Variants in PHEX observed in about 807,000 individuals in gnomAD.
PHEX encodes the protein phosphate-regulating neutral endopeptidase PHEX.
A neutral mutation model predicts 68.0 loss-of-function variants in PHEX; 16 were observed. The ratio of observed to expected loss-of-function variants is 0.24; its 90% CI spans 0.16 to 0.36. The LOEUF (loss-of-function observed/expected upper bound fraction) is 0.36. Ranked by LOEUF, PHEX falls within the 10% of genes least tolerant of loss-of-function variation. The probability of loss-of-function intolerance (pLI) is 1.00; values close to 1 mark genes in which losing one functional copy is unlikely to be tolerated. For synonymous variants in PHEX, 208 were observed against 205.1 expected (o/e 1.01, Z -0.12); for missense variants, 480 against 575.5 (o/e 0.83, Z 1.70).
chrX:22,174,234 C>A (rs150757727), intron 13 of PHEX, among the ~76,000 whole-genome samples: 1,546 of 112,058 alleles, frequency 0.014, 24 homozygotes, highest in African/African-American at 0.047. Context: ...TTGACCTAGA[C>A]TTTTTCCAGT....
intron 7 of PHEX, among the ~76,000 whole-genome samples, chrX:22,095,290 G>C (rs958905874): frequency 4.6e-4 from 51 of 112,007 alleles, no homozygotes; most frequent in African/African-American, 1.5e-3. Flanking sequence ...GCCATGTCTA[G>C]AGTCTGTCTG....
intron 12 of PHEX, among the ~76,000 whole-genome samples, chrX:22,144,657 T>C (rs760733722): frequency 1.3e-4 from 14 of 110,616 alleles, no homozygotes; most frequent in Non-Finnish European, 2.1e-4. Context: ...ACCATTAACA[T>C]ACTTGACAAT....
intron 5 of PHEX, among the ~76,000 whole-genome samples, chrX:22,081,044 A>T (rs1929370653): frequency 1.8e-5 from 2 of 111,534 alleles, no homozygotes; most frequent in Admixed American, 1.9e-4. Context: ...GTGGTACCCG[A>T]TATGCCTCTC....
chrX:22,041,265 C>CTCTCTCTATATATATATATA (rs1468778300), intron 2 of PHEX, among the ~76,000 whole-genome samples: 5 of 72,817 alleles, frequency 6.9e-5, no homozygotes, highest in African/African-American at 1.3e-4. Flanking sequence ...CTCTCTCTCT[C>CTCTCTCTATATATATATATA]TATATATATA....
chrX:22,103,415 T>G (rs1057335038), intron 9 of PHEX, among the ~76,000 whole-genome samples: 1 of 111,407 alleles, frequency 9.0e-6, no homozygotes, highest in Admixed American at 9.6e-5. Flanking sequence ...ACCTGAGCAG[T>G]GTACATTGTA....
At chrX:22,149,897 A>C (rs1282673465) in intron 12 of PHEX, among the ~76,000 whole-genome samples, 1 of 111,959 alleles carries the variant, frequency 8.9e-6, no homozygotes, top group Non-Finnish European at 1.9e-5. Context: ...ATCTCATCAG[A>C]GAGAGAGAGA....
rs1930028977 is a variant in PHEX, at chrX:22,094,119, C to CTCTT, written c.849+27_849+30dup. 2 of 899,328 alleles carry CTCTT rather than the reference C, an allele frequency of 2.2e-6. No homozygotes were observed. The highest frequency in any genetic ancestry group is 3.3e-6 in the Non-Finnish European group (2 of 614,552). The allele number at this position is 899,328 out of a possible 1,213,427, so 74.1% of individuals were successfully genotyped here. On this transcript the variant is annotated intron_variant, in intron 7 of 21. Transcript: ENST00000379374. ...GCTGAGGTAAGTCTTCACTGAAAAT[C>CTCTT]TCTTTCTTTCCTTTACTTTCTTTTC...
intron 20 of PHEX, among the ~76,000 whole-genome samples, chrX:22,228,356 A>G (rs1037159242): frequency 3.6e-5 from 4 of 111,924 alleles, no homozygotes; most frequent in African/African-American, 1.3e-4. Context: ...GCTCAAAGCT[A>G]GACAAAAATT....
chrX:22,221,178 C>T (rs1250633709), intron 17 of PHEX, among the ~76,000 whole-genome samples: 2 of 111,361 alleles, frequency 1.8e-5, no homozygotes, highest in Non-Finnish European at 3.8e-5. Flanking sequence ...TCTATGATCG[C>T]ACAGTATGGA....
chrX:22,149,014 A>G (rs979504819), intron 12 of PHEX, among the ~76,000 whole-genome samples: 1 of 111,672 alleles, frequency 9.0e-6, no homozygotes, highest in Admixed American at 9.5e-5. Flanking sequence ...GACCCAACCC[A>G]TCCTAGTAGG....
At position 22,054,431 on chromosome X, in the gene PHEX, G is replaced by A. The variant is rs750635876; in HGVS notation, c.349+7220G>A. ...ATTACAGGTGTGAGCCACCGCACCC[G>A]GCCACTTCATGAAGTTCTTTGAAAC... is the stretch of plus-strand genomic sequence containing the variant. On this transcript the variant is annotated intron_variant, in intron 3 of 21. Coordinates refer to ENST00000379374, the MANE Select transcript of PHEX (RefSeq NM_000444.6). Among the ~76,000 whole-genome samples, 30 of 111,827 alleles carry A rather than the reference G, an allele frequency of 2.7e-4. No homozygotes were observed. The South Asian group carries it at 3.7e-3, about 14-fold the overall frequency.
chrX:22,052,617 T>A (rs1927887952), intron 3 of PHEX, among the ~76,000 whole-genome samples: 1 of 112,048 alleles, frequency 8.9e-6, no homozygotes, highest in Admixed American at 9.6e-5. Context: ...AACATGAGTT[T>A]AGAAACATCA....
intron 20 of PHEX, among the ~76,000 whole-genome samples, chrX:22,243,606 A>G (rs1936298819): frequency 8.9e-6 from 1 of 112,422 alleles, no homozygotes; most frequent in Non-Finnish European, 1.9e-5. Context: ...ACCCCATGAA[A>G]AAGTGAGTGA....
At chrX:22,092,252 C>G (rs1428429716) in intron 6 of PHEX, among the ~76,000 whole-genome samples, 1 of 111,900 alleles carries the variant, frequency 8.9e-6, no homozygotes, top group Non-Finnish European at 1.9e-5. Context: ...GTTTATCTCC[C>G]TCACTGTTTG....
chrX:22,101,857 C>A (rs1930444164), intron 9 of PHEX, among the ~76,000 whole-genome samples: 2 of 111,638 alleles, frequency 1.8e-5, no homozygotes, highest in Admixed American at 1.9e-4. Context: ...GAGCCTATCT[C>A]ATTTTCTTGA....
At chrX:22,235,457 G>C (rs938841002) in intron 20 of PHEX, among the ~76,000 whole-genome samples, 1 of 111,862 alleles carries the variant, frequency 8.9e-6, no homozygotes, top group Non-Finnish European at 1.9e-5. Context: ...GGAAGTCTGC[G>C]ATCAGAGTGC....
chrX:22,190,899 T>C (rs753305086), intron 15 of PHEX, among the ~76,000 whole-genome samples: 1 of 112,312 alleles, frequency 8.9e-6, no homozygotes, highest in African/African-American at 3.2e-5. Context: ...GGACCATCTG[T>C]ATGTAAGAAA....
chrX:22,213,558 C>G (rs760356163), intron 16 of PHEX, among the ~76,000 whole-genome samples: 117 of 111,912 alleles, frequency 1.0e-3, no homozygotes, highest in South Asian at 5.2e-3. Context: ...AGTGTATGGA[C>G]TTAGGGATAC....
intron 15 of PHEX, among the ~76,000 whole-genome samples, chrX:22,195,269 G>A (rs891969660): frequency 8.9e-6 from 1 of 111,877 alleles, no homozygotes; most frequent in Non-Finnish European, 1.9e-5. Context: ...TATAAAGATC[G>A]GCAGGGGGGA....
Sources: gnomAD v4.1 joint callset for allele counts (sites outside exome capture counted in the v4.1 genomes callset) on GRCh38, gnomAD v4.1.1 for gene constraint, MANE v1.5 for transcripts, NCBI Gene and HGNC (gene_info 2026-07-23, HGNC 2026-07-21) for gene names.